CELA3B: variants seen among roughly 807,000 people sequenced by gnomAD.
CELA3B encodes chymotrypsin like elastase 3B.
CELA3B carries 34 observed loss-of-function variants against 37.2 expected under a neutral mutation model. The ratio of observed to expected loss-of-function variants is 0.91; its 90% CI spans 0.70 to 1.22. CELA3B has a LOEUF of 1.22. Among genes scored for constraint, CELA3B ranks in the 50% most tolerant of loss-of-function variants. CELA3B has a pLI of 0.00. For missense variants in CELA3B, 340 were observed against 363.1 expected (o/e 0.94, Z 0.52); for synonymous variants, 127 against 143.5 (o/e 0.89, Z 0.82).
At chr1:21,982,491 G>A (rs1210607362) in intron 4 of CELA3B, among the ~76,000 whole-genome samples, 1 of 151,926 alleles carries the variant, frequency 6.6e-6, no homozygotes, top group African/African-American at 2.4e-5. Flanking sequence ...CAGCTACTCT[G>A]GAGGCTGAGG....
At chr1:21,986,461 C>G (rs1280469730) in intron 6 of CELA3B, 70 bp from the exon 7 acceptor site, 1 of 1,577,416 alleles carries the variant, frequency 6.3e-7, no homozygotes, top group Non-Finnish European at 8.6e-7. Flanking sequence ...CTCGAAATCC[C>G]TAGAATTCAG....
exon 5 of CELA3B, chr1:21,998,245 C>A (rs1419978898): frequency 8.6e-6 from 4 of 464,760 alleles, no homozygotes. Context: ...CTGAGAAGTC[C>A]TGTAGGAAAG....
chr1:21,979,450 TTTC>T (rs1182087185), intron 2 of CELA3B, among the ~76,000 whole-genome samples: 5,511 of 93,270 alleles, frequency 0.059, 156 homozygotes, highest in African/African-American at 0.085. Flanking sequence ...TTTCTTTTCT[TTTC>T]TTTTTTTTTT....
chr1:21,981,498 T>C (rs964280461), intron 4 of CELA3B, among the ~76,000 whole-genome samples: 3 of 151,648 alleles, frequency 2.0e-5, no homozygotes, highest in East Asian at 1.9e-4. Context: ...CTCCATTCAA[T>C]AGATGGCTCA....
At chr1:21,991,754 A>G (rs1644869814), downstream of CELA3B, among the ~76,000 whole-genome samples, 1 of 151,338 alleles carries the variant, frequency 6.6e-6, no homozygotes, top group African/African-American at 2.4e-5. Context: ...CAGGCACTCC[A>G]AAGGAGGAGG....
Position 21,984,237 on chromosome 1 carries a change from T to G in CELA3B, c.548T>G (p.Val183Gly). The change falls in exon 6 of 8, where the codon GTG (valine) becomes GGG (glycine). Residue 183 changes from valine to glycine, a missense_variant. Val to Gly is a moderately radical substitution (Grantham distance 109). Transcript: ENST00000337107. ...CTGCAGGAGGCCCTGCTGCCGGTGGTGGACTATGAACACTGCTCCAGGTGG... is the reference window on the plus strand; with the variant it reads ...CTGCAGGAGGCCCTGCTGCCGGTGGGGGACTATGAACACTGCTCCAGGTGG... ...DKLQEALLPV[V>G]DYEHCSRWNW... is the part of the protein sequence containing the mutation. 1 of 1,614,158 alleles carries G rather than the reference T, an allele frequency of 6.2e-7. No individual in the cohort carries two copies. Among genetic ancestry groups the G allele is most frequent in the Non-Finnish European group, 8.5e-7 (1 of 1,180,014 alleles).
chr1:21,994,294 T>A (rs4394607), downstream of CELA3B, among the ~76,000 whole-genome samples: 62,965 of 150,096 alleles, frequency 0.42, 15,027 homozygotes, highest in East Asian at 0.64. Flanking sequence ...CTTCTCTCCC[T>A]ACACTTCCTC....
At chr1:21,990,925 T>A (rs1569853081), downstream of CELA3B, among the ~76,000 whole-genome samples, 1 of 71,332 alleles carries the variant, frequency 1.4e-5, no homozygotes, top group African/African-American at 4.5e-5. Context: ...TTCAACGGAA[T>A]CTCTTTCCTC....
intron 4 of CELA3B, among the ~76,000 whole-genome samples, chr1:21,981,699 T>C (rs1185443205): frequency 6.6e-6 from 1 of 150,984 alleles, no homozygotes; most frequent in Non-Finnish European, 1.5e-5. Context: ...AAGGAGACAA[T>C]CTTATGCCCT....
Position 21,981,151 on chromosome 1 carries a change from A to G in CELA3B, c.341A>G (p.Asn114Ser). 6.2e-7 allele frequency: 1 copy of G among 1,612,268 alleles called. No individual in the cohort carries two copies. Among genetic ancestry groups the G allele is most frequent in the Non-Finnish European group, 8.5e-7 (1 of 1,179,980 alleles). ...SGDLFVHPLW[N>S]RSCVACGNDI... ...GACCTCTTTGTGCATCCACTCTGGA[A>G]CCGCTCGTGTGTGGCCTGTGGGTGA... Residue 114 changes from asparagine (N) to serine (S), a missense_variant, in exon 4 of 8, where the codon AAC (asparagine) becomes AGC (serine). Physicochemically the swap from Asn to Ser is conservative, Grantham distance 46. Transcript: ENST00000337107.
chr1:21,994,827 T>G (rs1167715057), intron 4 of CELA3B, among the ~76,000 whole-genome samples: 1 of 150,026 alleles, frequency 6.7e-6, no homozygotes, highest in Admixed American at 6.6e-5. Flanking sequence ...TGGCGAAACC[T>G]TCTCTCTACA....
intron 4 of CELA3B, chr1:21,998,021 G>C: frequency 7.4e-6 from 3 of 404,718 alleles, no homozygotes; most frequent in South Asian, 5.6e-5. Context: ...TTAAGGAAAA[G>C]CTAATCGATA....
chr1:21,984,555 C>T (rs181188987), intron 6 of CELA3B, among the ~76,000 whole-genome samples: 1 of 152,156 alleles, frequency 6.6e-6, no homozygotes, highest in Admixed American at 6.5e-5. Flanking sequence ...TGACTTGGGA[C>T]AAGTCACTGT....
At chr1:21,984,043 G>C (rs1473561806) in intron 5 of CELA3B, 146 bp from the exon 6 acceptor site, 13 of 1,253,600 alleles carry the variant, frequency 1.0e-5, no homozygotes, top group Non-Finnish European at 1.5e-5. Context: ...GGATGTAATG[G>C]TGCACAAAGC....
chr1:21,980,476 A>T (rs1201116085), intron 2 of CELA3B, among the ~76,000 whole-genome samples: 2 of 151,976 alleles, frequency 1.3e-5, no homozygotes. Context: ...GCAAAACTCC[A>T]TCTCAAACAA....
chr1:21,981,004 G>T, intron 3 of CELA3B, 34 bp from the exon 4 acceptor site: 1 of 1,614,160 alleles, frequency 6.2e-7, no homozygotes, highest in Non-Finnish European at 8.5e-7. Flanking sequence ...GAGGTAGCCA[G>T]TCAGGCCCAG....
chr1:21,979,281 A>G (rs1447096611), intron 2 of CELA3B, among the ~76,000 whole-genome samples: 2 of 151,542 alleles, frequency 1.3e-5, no homozygotes, highest in African/African-American at 2.4e-5. Flanking sequence ...TATGTTGGCC[A>G]GGCCAGTCTG....
chr1:21,993,476 A>G (rs1557869089), downstream of CELA3B, among the ~76,000 whole-genome samples: 2 of 142,748 alleles, frequency 1.4e-5, no homozygotes, highest in African/African-American at 5.6e-5. Context: ...AAAAAAAAAA[A>G]AAAGAAGAAG....
At chr1:21,981,699 TC>T (rs1258973901) in intron 4 of CELA3B, among the ~76,000 whole-genome samples, 1 of 150,986 alleles carries the variant, frequency 6.6e-6, no homozygotes, top group Non-Finnish European at 1.5e-5. Context: ...AAGGAGACAA[TC>T]TTATGCCCTT....
Sources: allele counts gnomAD v4.1 joint callset (sites outside exome capture counted in the v4.1 genomes callset), GRCh38; gene constraint gnomAD v4.1.1; transcripts MANE v1.5; gene names NCBI Gene and HGNC (gene_info 2026-07-23, HGNC 2026-07-21).